Variants in CIBAR2 observed in about 807,000 individuals in gnomAD.
The protein encoded by CIBAR2 is CBY1-interacting BAR domain-containing protein 2.
Under a neutral mutation model 36.2 loss-of-function variants are expected in CIBAR2, and 38 were observed. That is an observed-to-expected ratio of 1.05 (90% confidence interval 0.81 to 1.38). The LOEUF is 1.38. CIBAR2 is among the 40% of genes most tolerant of loss of function. CIBAR2 has a pLI of 0.00. For missense variants in CIBAR2, 481 were observed against 383.4 expected (o/e 1.25, Z -2.13); for synonymous variants, 182 against 149.5 (o/e 1.22, Z -1.58).
chr16:85,098,953 A>C lies in CIBAR2; in HGVS notation c.*232T>G. ...AGAAATAGATAGCATAAAGAAAAAC[A>C]ATCAAAACTTCAGGAAACATTGGAT... On this transcript the variant is annotated 3_prime_UTR_variant, in exon 9 of 9. Transcript: ENST00000539556. 2 of 466,532 alleles carry C rather than the reference A, an allele frequency of 4.3e-6. No homozygotes were observed. The highest frequency in any genetic ancestry group is 6.2e-4 in the Middle Eastern group (1 of 1,626). The allele number at this position is 466,532 out of a possible 1,614,324, so 28.9% of individuals were successfully genotyped here. A position where few individuals can be genotyped will look rare whatever the true frequency, so the allele number is the denominator to read the frequency against.
At chr16:85,099,453 T>C in intron 8 of CIBAR2, 107 bp from the exon 9 acceptor site, 1 of 711,568 alleles carries the variant, frequency 1.4e-6, no homozygotes, top group Middle Eastern at 2.6e-4. Context: ...CCCTGGATTC[T>C]GGAACCCGCG....
At position 85,108,112 on chromosome 16, in the gene CIBAR2, G is replaced by A. The variant is rs779316955; in HGVS notation, c.256-13C>T. ...CCAGCCTCTCGACCTGGGGGAGCGG[G>A]GACACCAGGGGATCTGAGCGCAGGG... On this transcript the variant is annotated splice_polypyrimidine_tract_variant and intron_variant, in intron 2 of 8. Coordinates refer to ENST00000539556, the MANE Select transcript of CIBAR2 (RefSeq NM_198491.3). 7 of 1,600,874 alleles carry A rather than the reference G, an allele frequency of 4.4e-6. No individual in the cohort carries two copies. In the Admixed American group the frequency reaches 5.1e-5, roughly 12 times the overall value.
chr16:85,098,635 C>T lies in CIBAR2; in HGVS notation c.*550G>A. 1.0e-6 allele frequency: 1 copy of T among 983,912 alleles called. No individual in the cohort carries two copies. The highest frequency in any genetic ancestry group is 1.2e-6 in the Non-Finnish European group (1 of 828,182). The allele number at this position is 983,912 out of a possible 1,614,324, so 60.9% of individuals were successfully genotyped here. A position where few individuals can be genotyped will look rare whatever the true frequency, so the allele number is the denominator to read the frequency against. On this transcript the variant is annotated 3_prime_UTR_variant, in exon 9 of 9. Coordinates refer to ENST00000539556, the MANE Select transcript of CIBAR2 (RefSeq NM_198491.3). Reference sequence around the variant, plus strand: ...GGCCTCCTCCATGGAGTTGTCCTCACTCTCCTCCCCTTCTTTTCCTGGGCT... The same window carrying T: ...GGCCTCCTCCATGGAGTTGTCCTCATTCTCCTCCCCTTCTTTTCCTGGGCT...
In CIBAR2 at chr16:85,098,415, A is replaced by C; in HGVS notation, c.*770T>G. The C allele has an allele frequency of 1.5e-5, 7 of 479,214 alleles. No individual in the cohort carries two copies. Among genetic ancestry groups the C allele is most frequent in the Non-Finnish European group, 1.6e-5 (6 of 366,840 alleles). The allele number at this position is 479,214 out of a possible 1,614,324, so 29.7% of individuals were successfully genotyped here. On this transcript the variant is annotated 3_prime_UTR_variant, in exon 9 of 9. Coordinates refer to ENST00000539556, the MANE Select transcript of CIBAR2 (RefSeq NM_198491.3). Reference sequence around the variant, plus strand: ...TATATGCCAGGCACAGCGATCCCCCAGAGCAACCTGTGAAGTGAGTGATAT... The same window carrying C: ...TATATGCCAGGCACAGCGATCCCCCCGAGCAACCTGTGAAGTGAGTGATAT...
In CIBAR2 at chr16:85,099,354, A is replaced by T. The variant is rs779040025; in HGVS notation, c.754-8T>A. The T allele has an allele frequency of 1.4e-6, 2 of 1,452,620 alleles. No homozygotes were observed. The highest frequency in any genetic ancestry group is 1.4e-5 in the African/African-American group (1 of 71,756). 90.0% of individuals were successfully genotyped at this position (1,452,620 alleles called of 1,614,324 possible). A position where few individuals can be genotyped will look rare whatever the true frequency, so the allele number is the denominator to read the frequency against. On this transcript the variant is annotated splice_region_variant and splice_polypyrimidine_tract_variant and intron_variant, in intron 8 of 8. Transcript: ENST00000539556. ...CTGGACCTGCAGAGTTCCCTGCAGA[A>T]ATATAAATGCACCTGATGGCAGGCC...
intron 6 of CIBAR2, among the ~76,000 whole-genome samples, chr16:85,104,418 G>A (rs2073979268): frequency 6.6e-6 from 1 of 152,194 alleles, no homozygotes; most frequent in South Asian, 2.1e-4. Flanking sequence ...CCTTTTAAGA[G>A]ATCCCTGGGG....
intron 1 of CIBAR2, 32 bp from the exon 2 acceptor site, chr16:85,110,492 G>A (rs371711892): frequency 2.6e-6 from 4 of 1,512,062 alleles, no homozygotes; most frequent in Non-Finnish European, 3.6e-6. Flanking sequence ...CAGCCATTCT[G>A]GGCAGAGATG....
chr16:85,108,330 A>G (rs547904504), intron 2 of CIBAR2, among the ~76,000 whole-genome samples: 26 of 152,162 alleles, frequency 1.7e-4, no homozygotes, highest in South Asian at 6.2e-4. Flanking sequence ...TCGAAGCCTC[A>G]TTTCCTCACC....
At chr16:85,099,409 T>C in intron 8 of CIBAR2, 63 bp from the exon 9 acceptor site, 2 of 927,278 alleles carry the variant, frequency 2.2e-6, no homozygotes, top group Non-Finnish European at 3.5e-6. Context: ...ACATCTAATG[T>C]ATGTACCTAA....
chr16:85,099,646 C>T (rs1172044614), intron 8 of CIBAR2, among the ~76,000 whole-genome samples: 1 of 149,596 alleles, frequency 6.7e-6, no homozygotes, highest in Non-Finnish European at 1.5e-5. Context: ...TTTCCTGAGA[C>T]AGAGTCTCGC....
rs773673847 is a variant in CIBAR2 at position 85,107,668 on chromosome 16, T to C, written c.431A>G (p.Gln144Arg). ...KSPSDQQMIS[Q>R]AETRVQRAAV... ...CCCAGACAGACATGTGACACTCACC[T>C]GGGACTGAAAAACGTGCTGTTAAGG... Residue 144 changes from glutamine (Q) to arginine (R), a missense_variant and splice_region_variant, in exon 5 of 9, where the codon CAG (glutamine) becomes CGG (arginine). Physicochemically the swap from Gln to Arg is conservative, Grantham distance 43. Coordinates refer to ENST00000539556, the MANE Select transcript of CIBAR2 (RefSeq NM_198491.3). The C allele has an allele frequency of 6.2e-7, 1 of 1,613,752 alleles. No individual in the cohort carries two copies. The highest frequency in any genetic ancestry group is 8.5e-7 in the Non-Finnish European group (1 of 1,179,942).
At chr16:85,110,818 C>T (rs1296892309) in intron 1 of CIBAR2, among the ~76,000 whole-genome samples, 1 of 149,556 alleles carries the variant, frequency 6.7e-6, no homozygotes. Flanking sequence ...AATTCTCCTG[C>T]CTCAGCCTCC....
At chr16:85,109,257 T>C (rs763491191) in intron 2 of CIBAR2, among the ~76,000 whole-genome samples, 18 of 152,126 alleles carry the variant, frequency 1.2e-4, no homozygotes, top group Admixed American at 2.0e-4. Context: ...AAAATTTTTT[T>C]TTTAATAAAA....
chr16:85,109,531 T>C (rs1442417666), intron 2 of CIBAR2, among the ~76,000 whole-genome samples: 4 of 152,192 alleles, frequency 2.6e-5, no homozygotes, highest in African/African-American at 9.7e-5. Context: ...CTTTGTTTTT[T>C]GGTATTTTTT....
chr16:85,103,555 T>C (rs2073971572), intron 6 of CIBAR2, among the ~76,000 whole-genome samples: 1 of 152,228 alleles, frequency 6.6e-6, no homozygotes, highest in African/African-American at 2.4e-5. Context: ...GCCCCTGACC[T>C]GGAGAACCGT....
At chr16:85,108,598 C>A (rs570615552) in intron 2 of CIBAR2, among the ~76,000 whole-genome samples, 1 of 152,190 alleles carries the variant, frequency 6.6e-6, no homozygotes, top group Non-Finnish European at 1.5e-5. Flanking sequence ...TGGGGCCGGG[C>A]GCGATGGCTC....
chr16:85,108,846 G>C (rs1021571767), intron 2 of CIBAR2, among the ~76,000 whole-genome samples: 1 of 152,180 alleles, frequency 6.6e-6, no homozygotes, highest in South Asian at 2.1e-4. Flanking sequence ...CTTCACTCTA[G>C]CCTGGGCAAC....
At chr16:85,105,969 T>C (rs1422011900) in intron 5 of CIBAR2, among the ~76,000 whole-genome samples, 1 of 152,202 alleles carries the variant, frequency 6.6e-6, no homozygotes, top group Non-Finnish European at 1.5e-5. Flanking sequence ...TGTGTGACCT[T>C]GGGTAAGTCA....
chr16:85,105,162 G>C (rs913109491), intron 6 of CIBAR2, among the ~76,000 whole-genome samples, 165 bp downstream of exon 6: 1 of 152,222 alleles, frequency 6.6e-6, no homozygotes, highest in Non-Finnish European at 1.5e-5. Context: ...ACTGTGCCGG[G>C]AGCCTGTGTG....
Sources: allele counts gnomAD v4.1 joint callset (sites outside exome capture counted in the v4.1 genomes callset), GRCh38; gene constraint gnomAD v4.1.1; transcripts MANE v1.5; gene names NCBI Gene and HGNC (gene_info 2026-07-23, HGNC 2026-07-21).